RPTOR: variants seen among roughly 807,000 people sequenced by gnomAD.
The protein encoded by RPTOR is regulatory associated protein of MTOR complex 1.
Under a neutral mutation model 169.9 loss-of-function variants are expected in RPTOR, and 21 were observed. That is an observed-to-expected ratio of 0.12 (90% CI 0.09 to 0.18). RPTOR has a LOEUF of 0.18. Among genes scored for constraint, RPTOR ranks in the 10% least tolerant of loss-of-function variants. RPTOR has a pLI of 1.00. For missense variants in RPTOR, 1,133 were observed against 1,855.9 expected (o/e 0.61, Z 7.16); for synonymous variants, 732 against 753.2 (o/e 0.97, Z 0.46).
Position 80,844,245 on chromosome 17 carries a change from C to A in RPTOR, c.1213-2228C>A, listed in dbSNP as rs866366229. Among the ~76,000 whole-genome samples the A allele has an allele frequency of 6.6e-6, 1 of 152,206 alleles. No individual in the cohort carries two copies. The highest frequency in any genetic ancestry group is 1.5e-5 in the Non-Finnish European group (1 of 68,036). On this transcript the variant is annotated intron_variant, in intron 10 of 33. Transcript: ENST00000306801. This position sits in a 1 kb window ranked among gnomAD's most constrained non-coding sequence, Gnocchi z 4.7. The stretch of plus-strand genomic sequence containing the variant: ...CTCCCCGTGGCTTTAGGGAGCTTCA[C>A]GGGCTTCACCGCGCACCTGCCAGGC...
At chr17:80,618,519 C>G (rs2065330289) in intron 1 of RPTOR, among the ~76,000 whole-genome samples, 1 of 152,236 alleles carries the variant, frequency 6.6e-6, no homozygotes, top group Admixed American at 6.5e-5. Context: ...GACTGTAGCA[C>G]TCACGTGTGC....
rs2069273804 is a variant in RPTOR, at chr17:80,957,884, AG to A, written c.3477+156del. ...AGGACAGTGCCGGGACAATGCTGGGAGGAGACGTGGGCTCCCTGAGGCCTCT... is the reference window on the plus strand; with the variant it reads ...AGGACAGTGCCGGGACAATGCTGGGAGAGACGTGGGCTCCCTGAGGCCTCT... On this transcript the variant is annotated intron_variant, in intron 29 of 33. Transcript: ENST00000306801. The surrounding 1 kb of genome is among the most constrained non-coding windows in gnomAD (Gnocchi z 4.6). Among the ~76,000 whole-genome samples the A allele has an allele frequency of 6.6e-6, 1 of 152,138 alleles. No homozygotes were observed. The highest frequency in any genetic ancestry group is 2.4e-5 in the African/African-American group (1 of 41,430).
intron 3 of RPTOR, among the ~76,000 whole-genome samples, chr17:80,684,832 G>A (rs1567856017): frequency 6.6e-6 from 1 of 152,140 alleles, no homozygotes; most frequent in African/African-American, 2.4e-5. Context: ...ACTACACAGC[G>A]TGTCCTGGAA....
intron 1 of RPTOR, among the ~76,000 whole-genome samples, chr17:80,601,175 A>G (rs2065183278): frequency 6.6e-6 from 1 of 152,232 alleles, no homozygotes; most frequent in African/African-American, 2.4e-5. Flanking sequence ...GTCAGCCGCC[A>G]GATGTGTGAG....
At chr17:80,953,063 C>T (rs1484148024) in intron 28 of RPTOR, among the ~76,000 whole-genome samples, 8 of 151,938 alleles carry the variant, frequency 5.3e-5, no homozygotes, top group South Asian at 2.1e-4. Flanking sequence ...TGGGGTTTCA[C>T]CATGTTGGCC....
Position 80,661,304 on chromosome 17 carries a change from G to T in RPTOR, c.348+17494G>T, listed in dbSNP as rs183724314. On this transcript the variant is annotated intron_variant, in intron 3 of 33. Transcript: ENST00000306801. Reference sequence around the variant, plus strand: ...AAAATTCCAAGTCTCAGCACAAGGCGGGTGGCTGTGAGGAGCAGATGCAGT... The same window carrying T: ...AAAATTCCAAGTCTCAGCACAAGGCTGGTGGCTGTGAGGAGCAGATGCAGT... 1.8e-3 allele frequency among the ~76,000 whole-genome samples: 271 copies of T among 152,280 alleles called. 1 individual carries two copies. Among genetic ancestry groups the T allele is most frequent in the African/African-American group, 6.3e-3 (263 of 41,540 alleles).
chr17:80,830,877 A>G (rs1234798965), intron 9 of RPTOR, among the ~76,000 whole-genome samples: 1 of 151,980 alleles, frequency 6.6e-6, no homozygotes, highest in Non-Finnish European at 1.5e-5. Context: ...CAGACCCCCA[A>G]GTAGCTGGGA....
chr17:80,747,683 A>G (rs947076020), intron 5 of RPTOR, among the ~76,000 whole-genome samples: 2 of 152,230 alleles, frequency 1.3e-5, no homozygotes, highest in South Asian at 4.1e-4. Flanking sequence ...ATGCAAACCC[A>G]GCAGCGTCTG....
At chr17:80,739,686 C>A (rs1192152298) in intron 5 of RPTOR, among the ~76,000 whole-genome samples, 2 of 151,596 alleles carry the variant, frequency 1.3e-5, no homozygotes, top group East Asian at 3.9e-4. Flanking sequence ...AAAAATTAAA[C>A]AACGTATTTC....
intron 7 of RPTOR, among the ~76,000 whole-genome samples, chr17:80,805,864 A>T (rs60024815): frequency 0.23 from 35,504 of 151,926 alleles, 4,896 homozygotes; most frequent in East Asian, 0.39. Context: ...GTTCTATAGT[A>T]AGTCAGGTAA....
Position 80,708,823 on chromosome 17 carries a change from C to A in RPTOR, c.507+824C>A. On this transcript the variant is annotated intron_variant, in intron 4 of 33. Transcript: ENST00000306801. The surrounding 1 kb of genome is among the most constrained non-coding windows in gnomAD (Gnocchi z 4.2). ...TGCGGTGGCCCCATATGTGCCTGAG[C>A]GTGTCTATGAGGGCACTGATTTGGA... The A allele has an allele frequency of 2.0e-6, 1 of 501,856 alleles. No individual in the cohort carries two copies. The highest frequency in any genetic ancestry group is 2.6e-6 in the Non-Finnish European group (1 of 388,180). The allele number at this position is 501,856 out of a possible 1,614,324, so 31.1% of individuals were successfully genotyped here.
At chr17:80,934,298 C>T (rs2068930762) in intron 24 of RPTOR, among the ~76,000 whole-genome samples, 2 of 151,594 alleles carry the variant, frequency 1.3e-5, no homozygotes, top group Admixed American at 1.3e-4. Flanking sequence ...TACTACCAAA[C>T]GTCATTCAAT....
At chr17:80,787,759 T>C (rs1434710471) in intron 6 of RPTOR, among the ~76,000 whole-genome samples, 1 of 152,190 alleles carries the variant, frequency 6.6e-6, no homozygotes, top group Admixed American at 6.5e-5. Flanking sequence ...TTCTCTCATA[T>C]CGCATGATGT....
intron 14 of RPTOR, among the ~76,000 whole-genome samples, chr17:80,880,934 A>C (rs963172249): frequency 6.6e-5 from 10 of 152,360 alleles, no homozygotes; most frequent in African/African-American, 2.4e-4. Flanking sequence ...GAGGAAAGGA[A>C]GGAAAGAAGG....
intron 2 of RPTOR, among the ~76,000 whole-genome samples, chr17:80,639,181 A>G (rs902604052): frequency 2.6e-5 from 4 of 151,926 alleles, no homozygotes; most frequent in African/African-American, 4.8e-5. Flanking sequence ...TTCTCAGTCA[A>G]AAATGAGTTG....
intron 1 of RPTOR, among the ~76,000 whole-genome samples, chr17:80,616,592 C>T (rs577430461): frequency 8.5e-5 from 13 of 152,230 alleles, no homozygotes; most frequent in Admixed American, 5.9e-4. Context: ...CCACCGCACC[C>T]GGCCTGAAAG....
chr17:80,840,902 C>A (rs1180755437), intron 10 of RPTOR, among the ~76,000 whole-genome samples: 8 of 135,210 alleles, frequency 5.9e-5, no homozygotes, highest in Non-Finnish European at 1.2e-4. Context: ...ACACTCACCA[C>A]ACGGCAGCTC....
intron 1 of RPTOR, among the ~76,000 whole-genome samples, chr17:80,606,231 C>T (rs558174529): frequency 1.2e-4 from 18 of 151,330 alleles, no homozygotes; most frequent in Admixed American, 5.9e-4. Context: ...AGGGTGGTCT[C>T]GATCTGCTGA....
chr17:80,693,016 T>C (rs980505525), intron 3 of RPTOR, among the ~76,000 whole-genome samples: 5 of 152,260 alleles, frequency 3.3e-5, no homozygotes, highest in Non-Finnish European at 7.3e-5. Context: ...GTTTTCTCTT[T>C]AGGGAAGTGC....
Sources: allele counts gnomAD v4.1 joint callset (sites outside exome capture counted in the v4.1 genomes callset), GRCh38; gene constraint gnomAD v4.1.1; non-coding constraint Gnocchi (gnomAD v3.1); transcripts MANE v1.5; gene names NCBI Gene and HGNC (gene_info 2026-07-23, HGNC 2026-07-21).